SLC7A5: variants seen among roughly 807,000 people sequenced by gnomAD.
The protein encoded by SLC7A5 is solute carrier family 7 member 5, also known as large neutral amino acids transporter small subunit 1.
A neutral mutation model predicts 50.2 loss-of-function variants in SLC7A5; 23 were observed. That is an observed-to-expected ratio of 0.46 (90% CI 0.33 to 0.65). The LOEUF is 0.65. Ranked by LOEUF, SLC7A5 falls within the 30% of genes least tolerant of loss-of-function variation. SLC7A5 has a pLI of 0.02. For synonymous variants in SLC7A5, 393 were observed against 330.6 expected (o/e 1.19, Z -2.05); for missense variants, 578 against 684.4 (o/e 0.84, Z 1.73).
chr16:87,855,760 T>A (rs1486321425), intron 1 of SLC7A5, among the ~76,000 whole-genome samples: 1 of 151,840 alleles, frequency 6.6e-6, no homozygotes, highest in African/African-American at 2.4e-5. Flanking sequence ...GTGTGTTCAA[T>A]ATGGAGAGCA....
Position 87,838,793 on chromosome 16 carries a change from C to A in SLC7A5, c.964G>T (p.Val322Phe). 6.2e-7 allele frequency: 1 copy of A among 1,614,002 alleles called. No homozygotes were observed. The part of the protein sequence containing the change: ...AVDFGNYHLG[V>F]MSWIIPVFVG... ...AAGACGGGGATGATCCAGGACATGA[C>A]GCCCAGGTGATAGTTCCCGAAGTCC... The change falls in exon 6 of 10, where the codon GTC becomes TTC. Residue 322 changes from valine (V) to phenylalanine (F), a missense_variant. Physicochemically the swap from Val to Phe is conservative, Grantham distance 50. Transcript: ENST00000261622.
intron 2 of SLC7A5, among the ~76,000 whole-genome samples, chr16:87,846,333 G>C (rs2055153838): frequency 6.6e-6 from 1 of 152,262 alleles, no homozygotes; most frequent in Non-Finnish European, 1.5e-5. Flanking sequence ...TCGAGGCCGA[G>C]CTGTGGCCGA....
chr16:87,838,718 A>C lies in SLC7A5; in HGVS notation c.1039T>G (p.Ser347Ala), dbSNP rs775387602. 1.9e-6 allele frequency: 3 copies of C among 1,612,548 alleles called. No individual in the cohort carries two copies. Among genetic ancestry groups the C allele is most frequent in the Non-Finnish European group, 2.5e-6 (3 of 1,178,720 alleles). ...GSVNGSLFTSSRLFFVGSREG... is the reference protein window; with the variant it reads ...GSVNGSLFTSARLFFVGSREG... Reference sequence around the variant, plus strand: ...GGTGGGTCGGGCTGTGCTCACCTGGAGGATGTGAACAGGGACCCATTGACG... The same window carrying C: ...GGTGGGTCGGGCTGTGCTCACCTGGCGGATGTGAACAGGGACCCATTGACG... Residue 347 changes from serine to alanine, a missense_variant, in exon 6 of 10, where the codon TCC becomes GCC. Physicochemically the swap from Ser to Ala is moderately conservative, Grantham distance 99. Around this residue, in one of 2 missense-constraint regions of SLC7A5, gnomAD observed 465 missense variants for 594.6 expected, o/e 0.78. Coordinates refer to ENST00000261622, the MANE Select transcript of SLC7A5 (RefSeq NM_003486.7).
At chr16:87,850,970 G>A (rs547139796) in intron 2 of SLC7A5, among the ~76,000 whole-genome samples, 1 of 152,180 alleles carries the variant, frequency 6.6e-6, no homozygotes, top group Non-Finnish European at 1.5e-5. Context: ...AAGGGGCGGG[G>A]GCTGTTTCAC....
At position 87,842,406 on chromosome 16, in the gene SLC7A5, G is replaced by A. The variant is rs1597498449; in HGVS notation, c.665-1251C>T. ...CCAGGGAACACCGCAGAGTGACGAG[G>A]TGAGCAAATTTCAAAGGGGACCCGT... On this transcript the variant is annotated intron_variant, in intron 2 of 9. Transcript: ENST00000261622. Among the ~76,000 whole-genome samples the A allele has an allele frequency of 2.0e-5, 3 of 152,226 alleles. No individual in the cohort carries two copies. In the East Asian group the frequency reaches 5.8e-4, roughly 29 times the overall value.
chr16:87,846,686 G>A (rs751891176), intron 2 of SLC7A5, among the ~76,000 whole-genome samples: 7 of 152,152 alleles, frequency 4.6e-5, no homozygotes, highest in Non-Finnish European at 1.0e-4. Flanking sequence ...CTGGCCTGGC[G>A]GGGCCTCTCA....
rs1370320146 is a variant in SLC7A5 at position 87,832,919 on chromosome 16, A to C, written c.*51T>G. The C allele has an allele frequency of 6.7e-7, 1 of 1,483,018 alleles. No homozygotes were observed. The highest frequency in any genetic ancestry group is 1.4e-5 in the African/African-American group (1 of 72,360). The allele number at this position is 1,483,018 out of a possible 1,614,324, so 91.9% of individuals were successfully genotyped here. A position where few individuals can be genotyped will look rare whatever the true frequency, so the allele number is the denominator to read the frequency against. On this transcript the variant is annotated 3_prime_UTR_variant, in exon 10 of 10. Coordinates refer to ENST00000261622, the MANE Select transcript of SLC7A5 (RefSeq NM_003486.7). The surrounding 1 kb of genome is among the most constrained non-coding windows in gnomAD (Gnocchi z 4.6). ...CGGAGTGGGTTCGAGGAGGTGATCTACTTTAACTGGCCTCTGCGCATGCTC... is the reference window on the plus strand; with the variant it reads ...CGGAGTGGGTTCGAGGAGGTGATCTCCTTTAACTGGCCTCTGCGCATGCTC...
chr16:87,835,688 A>C (rs551642836), intron 8 of SLC7A5, among the ~76,000 whole-genome samples: 1 of 151,924 alleles, frequency 6.6e-6, no homozygotes, highest in Non-Finnish European at 1.5e-5. Context: ...GTTAGCCAGG[A>C]TGGTCTCTAT....
At chr16:87,855,466 C>G (rs1162143057) in intron 1 of SLC7A5, among the ~76,000 whole-genome samples, 1 of 152,164 alleles carries the variant, frequency 6.6e-6, no homozygotes, top group Non-Finnish European at 1.5e-5. Context: ...TGCACACACA[C>G]GCACAGCACC....
chr16:87,854,438 A>G (rs7195978), intron 1 of SLC7A5, among the ~76,000 whole-genome samples: 14,402 of 152,304 alleles, frequency 0.095, 1,055 homozygotes, highest in African/African-American at 0.21. Flanking sequence ...ATCTGGGTTC[A>G]GTACCTTTCG....
In SLC7A5 at chr16:87,837,861, G is replaced by A. The variant is rs757972971; in HGVS notation, c.1124C>T (p.Pro375Leu). ...CAGGCTTACCGTGAACACGAGGGAC[G>A]GCACGGGGGTGAGGAGCTGTGGGTG... ...MIHPQLLTPV[P>L]SLVFTCVMTL... The change falls in exon 7 of 10, where the codon CCG (proline) becomes CTG (leucine). Residue 375 changes from proline to leucine, a missense_variant. By Grantham distance (98) the Pro-to-Leu change is moderately conservative. Transcript: ENST00000261622. 8 of 1,606,238 alleles carry A rather than the reference G, an allele frequency of 5.0e-6. No homozygotes were observed. The highest frequency in any genetic ancestry group is 5.9e-6 in the Non-Finnish European group (7 of 1,177,682).
chr16:87,834,750 C>T (rs1364824686), intron 8 of SLC7A5, 159 bp from the exon 9 acceptor site: 2 of 750,554 alleles, frequency 2.7e-6, no homozygotes, highest in Non-Finnish European at 4.6e-6. Context: ...ACACACCGGG[C>T]TGTCCCGCCC....
chr16:87,868,307 C>A (rs1159553005), intron 1 of SLC7A5, among the ~76,000 whole-genome samples: 2 of 152,160 alleles, frequency 1.3e-5, no homozygotes, highest in Non-Finnish European at 2.9e-5. Flanking sequence ...AAGCTCCGCT[C>A]TCTCACTACT....
intron 2 of SLC7A5, among the ~76,000 whole-genome samples, chr16:87,844,943 C>T (rs1025392677): frequency 2.6e-5 from 4 of 152,234 alleles, no homozygotes; most frequent in Admixed American, 6.5e-5. Context: ...GAGATCATCC[C>T]GGATTAGAGT....
intron 1 of SLC7A5, among the ~76,000 whole-genome samples, chr16:87,854,516 C>T (rs1344899855): frequency 5.3e-5 from 8 of 152,228 alleles, no homozygotes; most frequent in African/African-American, 1.7e-4. Context: ...CTGGCACTTG[C>T]CCTCTCCCAA....
chr16:87,850,352 C>T (rs2055204927), intron 2 of SLC7A5, among the ~76,000 whole-genome samples: 1 of 152,172 alleles, frequency 6.6e-6, no homozygotes, highest in Non-Finnish European at 1.5e-5. Flanking sequence ...GGGGGCGGGG[C>T]AGCTCACAGC....
At chr16:87,868,294 G>C (rs1405947828) in intron 1 of SLC7A5, among the ~76,000 whole-genome samples, 2 of 152,116 alleles carry the variant, frequency 1.3e-5, no homozygotes, top group African/African-American at 2.4e-5. Flanking sequence ...TGAATCTGCA[G>C]CCAAGCTCCG....
At position 87,844,258 on chromosome 16, in the gene SLC7A5, G is replaced by A. The variant is rs555379972; in HGVS notation, c.665-3103C>T. ...GAAAGCAAACGCACAGCCAAACCCC[G>A]GGTGGGGGGAAGGCAAACTGCAAAC... On this transcript the variant is annotated intron_variant, in intron 2 of 9. Transcript: ENST00000261622. 5.3e-5 allele frequency among the ~76,000 whole-genome samples: 8 copies of A among 152,102 alleles called. No individual in the cohort carries two copies. In the South Asian group the frequency reaches 1.0e-3, roughly 20 times the overall value.
chr16:87,842,048 T>C (rs1053805842), intron 2 of SLC7A5, among the ~76,000 whole-genome samples: 9 of 152,094 alleles, frequency 5.9e-5, no homozygotes, highest in Non-Finnish European at 1.2e-4. Context: ...GCCCGGAATA[T>C]ATTGCCCAGA....
Sources: gnomAD v4.1 joint callset for allele counts (sites outside exome capture counted in the v4.1 genomes callset) on GRCh38, gnomAD v4.1.1 for gene constraint, gnomAD v4.1.1 regional missense constraint, Gnocchi (gnomAD v3.1) non-coding constraint, MANE v1.5 for transcripts, NCBI Gene and HGNC (gene_info 2026-07-23, HGNC 2026-07-21) for gene names.